INSR: variants seen among roughly 807,000 people sequenced by gnomAD.
INSR encodes the protein insulin receptor, also known as IR.
Under a neutral mutation model 142.6 loss-of-function variants are expected in INSR, and 67 were observed. That is an observed-to-expected ratio of 0.47 (90% CI 0.39 to 0.58). The LOEUF (loss-of-function observed/expected upper bound fraction) is 0.58, where lower values mean the gene tolerates loss of function less well. Ranked by LOEUF, INSR falls within the 20% of genes least tolerant of loss-of-function variation. The pLI is 0.00. For missense variants in INSR, 1,248 were observed against 1,833.2 expected (o/e 0.68, Z 5.83); for synonymous variants, 756 against 743.1 (o/e 1.02, Z -0.28).
intron 9 of INSR, among the ~76,000 whole-genome samples, chr19:7,155,086 G>A (rs972050284): frequency 4.6e-5 from 7 of 152,090 alleles, no homozygotes; most frequent in Non-Finnish European, 8.8e-5. Flanking sequence ...GTGTCTGCGG[G>A]TGCCATTTTC....
At chr19:7,208,654 G>C (rs11668772) in intron 2 of INSR, among the ~76,000 whole-genome samples, 28,529 of 152,030 alleles carry the variant, frequency 0.19, 2,859 homozygotes, top group Non-Finnish European at 0.22. Flanking sequence ...TGGATCGCTT[G>C]AGCCCAGGAG....
In INSR at chr19:7,216,702, C is replaced by T. The variant is rs1398482521; in HGVS notation, c.653-32065G>A. Among the ~76,000 whole-genome samples, 1 of 152,228 alleles carries T rather than the reference C, an allele frequency of 6.6e-6. No individual in the cohort carries two copies. The highest frequency in any genetic ancestry group is 1.5e-5 in the Non-Finnish European group (1 of 68,042). ...GCCCTGCTCTGACTCCTGTTGGCCC[C>T]TGGCTAGAGACCCGCCCAGAGGGGG... On this transcript the variant is annotated intron_variant, in intron 2 of 21. Transcript: ENST00000302850. The surrounding 1 kb of genome is among the most constrained non-coding windows in gnomAD (Gnocchi z 4.2).
rs370363742 is a variant in INSR, at chr19:7,257,028, C to T, written c.652+10317G>A. Reference sequence around the variant, plus strand: ...CACAATCTCGGCTCACTGCAACCTCCGCCTCCTGGGTTCAAGCGATTCTCC... The same window carrying T: ...CACAATCTCGGCTCACTGCAACCTCTGCCTCCTGGGTTCAAGCGATTCTCC... On this transcript the variant is annotated intron_variant, in intron 2 of 21. Coordinates refer to ENST00000302850, the MANE Select transcript of INSR (RefSeq NM_000208.4). Among the ~76,000 whole-genome samples the T allele has an allele frequency of 4.6e-5, 7 of 151,040 alleles. No homozygotes were observed. The East Asian group carries it at 9.7e-4, about 21-fold the overall frequency.
At chr19:7,134,002 C>T (rs10420382) in intron 13 of INSR, among the ~76,000 whole-genome samples, 27,376 of 152,010 alleles carry the variant, frequency 0.18, 3,389 homozygotes, top group East Asian at 0.5. Context: ...ATGGTTTGTC[C>T]GAGATCTCAT....
At chr19:7,248,065 A>G (rs1422960957) in intron 2 of INSR, among the ~76,000 whole-genome samples, 2 of 152,090 alleles carry the variant, frequency 1.3e-5, no homozygotes, top group East Asian at 1.9e-4. Flanking sequence ...TTGGGAAGCC[A>G]AGGCAGGAGG....
rs571952759 is a variant in INSR at position 7,168,576 on chromosome 19, T to C, written c.1484-482A>G. On this transcript the variant is annotated intron_variant, in intron 6 of 21. Transcript: ENST00000302850. The surrounding 1 kb of genome is among the most constrained non-coding windows in gnomAD (Gnocchi z 4.3). The stretch of plus-strand genomic sequence containing the variant: ...ACGCATCTAAGTAATTCTCTCTGCC[T>C]AGAAGACAAACCCTCTCCTAAACCT... Among the ~76,000 whole-genome samples the C allele has an allele frequency of 1.3e-5, 2 of 152,246 alleles. No individual in the cohort carries two copies. Among genetic ancestry groups the C allele is most frequent in the East Asian group, 3.9e-4 (2 of 5,180 alleles).
At chr19:7,167,920 G>A in intron 7 of INSR, 48 bp downstream of exon 7, 1 of 1,611,902 alleles carries the variant, frequency 6.2e-7, no homozygotes, top group East Asian at 2.2e-5. Flanking sequence ...CAAGCACAGA[G>A]CCAGCCAGCC....
At chr19:7,162,858 A>AATAG (rs1253517971) in intron 9 of INSR, among the ~76,000 whole-genome samples, 174 bp downstream of exon 9, 1 of 152,008 alleles carries the variant, frequency 6.6e-6, no homozygotes, top group Non-Finnish European at 1.5e-5. Context: ...TAAATAAATA[A>AATAG]ATAGATAAAA....
chr19:7,177,286 T>C (rs761605377), intron 3 of INSR, among the ~76,000 whole-genome samples: 4 of 152,258 alleles, frequency 2.6e-5, no homozygotes, highest in Middle Eastern at 3.4e-3. Context: ...AAGGGGAAAT[T>C]GTCTTCCTTC....
intron 11 of INSR, among the ~76,000 whole-genome samples, chr19:7,147,706 C>T (rs1031608471): frequency 1.3e-5 from 2 of 151,994 alleles, no homozygotes; most frequent in Non-Finnish European, 2.9e-5. Flanking sequence ...AAGATATGTC[C>T]GTATTAGCAA....
chr19:7,152,521 G>A (rs928202048), intron 10 of INSR: 2 of 634,960 alleles, frequency 3.1e-6, no homozygotes, highest in African/African-American at 1.8e-5. Flanking sequence ...CCTTTTGTGC[G>A]ATTATTTGCT....
At chr19:7,258,892 C>T (rs963910960) in intron 2 of INSR, among the ~76,000 whole-genome samples, 1 of 148,370 alleles carries the variant, frequency 6.7e-6, no homozygotes, top group Admixed American at 6.7e-5. Flanking sequence ...TCTAGATTTC[C>T]TCTCCAGTTT....
intron 2 of INSR, among the ~76,000 whole-genome samples, chr19:7,228,081 G>A (rs762677000): frequency 3.3e-5 from 5 of 152,094 alleles, no homozygotes; most frequent in Non-Finnish European, 5.9e-5. Context: ...GCTCCCTAAG[G>A]CCATTTGTCC....
At chr19:7,175,518 C>G (rs1974116045) in intron 3 of INSR, among the ~76,000 whole-genome samples, 1 of 152,132 alleles carries the variant, frequency 6.6e-6, no homozygotes, top group Non-Finnish European at 1.5e-5. Flanking sequence ...AGTAGCATCC[C>G]TCCCACAAGT....
At chr19:7,134,194 A>G (rs942815334) in intron 13 of INSR, among the ~76,000 whole-genome samples, 12 of 152,202 alleles carry the variant, frequency 7.9e-5, no homozygotes, top group Non-Finnish European at 1.5e-4. Context: ...AAATAAATAA[A>G]TAAAAAGAAA....
At chr19:7,154,364 G>A (rs551886519) in intron 9 of INSR, among the ~76,000 whole-genome samples, 2 of 139,126 alleles carry the variant, frequency 1.4e-5, no homozygotes, top group Admixed American at 7.2e-5. Flanking sequence ...GTGCAGTGGC[G>A]CGATCTTGGC....
chr19:7,281,112 T>A (rs1324852034), intron 1 of INSR, among the ~76,000 whole-genome samples: 1 of 152,126 alleles, frequency 6.6e-6, no homozygotes, highest in Non-Finnish European at 1.5e-5. Flanking sequence ...TCCGTGCTAT[T>A]TCAGGAGTCC....
chr19:7,249,874 C>T (rs958739752), intron 2 of INSR, among the ~76,000 whole-genome samples: 6 of 152,008 alleles, frequency 3.9e-5, no homozygotes, highest in East Asian at 1.9e-4. Context: ...TGCCTGTAGT[C>T]CCAGCTACTC....
chr19:7,284,056 G>T (rs1451159655), intron 1 of INSR, among the ~76,000 whole-genome samples: 1 of 151,104 alleles, frequency 6.6e-6, no homozygotes, highest in Non-Finnish European at 1.5e-5. Context: ...TGGTTTTGGA[G>T]TTTTTTTGTT....
Sources: allele counts gnomAD v4.1 joint callset (sites outside exome capture counted in the v4.1 genomes callset), GRCh38; gene constraint gnomAD v4.1.1; non-coding constraint Gnocchi (gnomAD v3.1); transcripts MANE v1.5; gene names NCBI Gene and HGNC (gene_info 2026-07-23, HGNC 2026-07-21).